GRIP1: variants seen among roughly 807,000 people sequenced by gnomAD.
The protein encoded by GRIP1 is glutamate receptor-interacting protein 1.
A neutral mutation model predicts 129.9 loss-of-function variants in GRIP1; 45 were observed. The ratio of observed to expected loss-of-function variants is 0.35; its 90% CI spans 0.27 to 0.44. The LOEUF (loss-of-function observed/expected upper bound fraction) is 0.44, where lower values mean the gene tolerates loss of function less well. Ranked by LOEUF, GRIP1 falls within the 20% of genes least tolerant of loss-of-function variation. The pLI, the probability that GRIP1 is intolerant of heterozygous loss-of-function variation, is 1.00. For missense variants in GRIP1, 1,196 were observed against 1,396.8 expected, an observed-to-expected ratio of 0.86 and a Z score of 2.29; for synonymous variants, 530 against 520.8, an observed-to-expected ratio of 1.02 and a Z score of -0.24.
chr12:66,817,633 G>A (rs1167473886), intron 1 of GRIP1, among the ~76,000 whole-genome samples: 3 of 151,906 alleles, frequency 2.0e-5, no homozygotes, highest in African/African-American at 4.8e-5. Flanking sequence ...GGCTGGTCTC[G>A]AACTCCTGAC....
chr12:66,667,816 A>C (rs2033878220), intron 1 of GRIP1, among the ~76,000 whole-genome samples: 1 of 152,172 alleles, frequency 6.6e-6, no homozygotes, highest in Non-Finnish European at 1.5e-5. Flanking sequence ...TAACTTTCTC[A>C]GCTGTTCCAT....
chr12:66,829,134 C>T (rs1483800595), intron 1 of GRIP1, among the ~76,000 whole-genome samples: 1 of 152,092 alleles, frequency 6.6e-6, no homozygotes, highest in Non-Finnish European at 1.5e-5. Context: ...CTTACATGAT[C>T]TTGAGAAAAG....
chr12:66,431,422 T>G (rs2058144563), intron 14 of GRIP1, among the ~76,000 whole-genome samples: 1 of 152,208 alleles, frequency 6.6e-6, no homozygotes, highest in Non-Finnish European at 1.5e-5. Context: ...TGAATTGCAG[T>G]ACCGTTCTTT....
At chr12:67,033,303 T>C (rs1165029755) in intron 1 of GRIP1, among the ~76,000 whole-genome samples, 3 of 129,902 alleles carry the variant, frequency 2.3e-5, no homozygotes, top group Non-Finnish European at 1.8e-5. Context: ...AAAGACAAAT[T>C]AAGAAATGGC....
At chr12:66,861,230 T>G (rs2040106708) in intron 1 of GRIP1, among the ~76,000 whole-genome samples, 1 of 152,138 alleles carries the variant, frequency 6.6e-6, no homozygotes, top group Non-Finnish European at 1.5e-5. Context: ...CAAAAAAGTG[T>G]CATACCCTAC....
intron 1 of GRIP1, among the ~76,000 whole-genome samples, chr12:66,979,360 CAAT>C (rs2042210642): frequency 6.8e-6 from 1 of 147,770 alleles, no homozygotes; most frequent in Non-Finnish European, 1.5e-5. Flanking sequence ...AAAAACAACT[CAAT>C]GAGTGAATGC....
chr12:66,463,816 C>T (rs12172787), intron 8 of GRIP1, among the ~76,000 whole-genome samples: 6,587 of 152,216 alleles, frequency 0.043, 359 homozygotes, highest in African/African-American at 0.12. Context: ...AAAGCTAGCG[C>T]AGTCGTCAGC....
At chr12:66,491,401 G>A (rs190687557) in intron 7 of GRIP1, among the ~76,000 whole-genome samples, 22 of 152,278 alleles carry the variant, frequency 1.4e-4, no homozygotes, top group Admixed American at 3.3e-4. Context: ...TTATAAGTGG[G>A]AACTGAATGA....
intron 1 of GRIP1, among the ~76,000 whole-genome samples, chr12:66,802,882 G>C (rs981093896): frequency 7.9e-5 from 12 of 152,124 alleles, no homozygotes; most frequent in African/African-American, 2.4e-4. Context: ...TTATTCATGT[G>C]CACACATTTA....
At chr12:66,942,869 G>T (rs1180918687) in intron 1 of GRIP1, among the ~76,000 whole-genome samples, 2 of 152,164 alleles carry the variant, frequency 1.3e-5, no homozygotes, top group African/African-American at 2.4e-5. Flanking sequence ...ACAGCAGAAA[G>T]CTTGCTACTT....
intron 1 of GRIP1, among the ~76,000 whole-genome samples, chr12:66,705,753 A>C (rs1038012380): frequency 4.6e-5 from 7 of 152,114 alleles, no homozygotes; most frequent in Admixed American, 2.6e-4. Context: ...ATAACACCAC[A>C]CATCTACAAT....
At chr12:66,835,155 T>TAAAC in intron 1 of GRIP1, among the ~76,000 whole-genome samples, 1 of 151,852 alleles carries the variant, frequency 6.6e-6, no homozygotes, top group African/African-American at 2.4e-5. Context: ...ACCAACCAAA[T>TAAAC]AAACAAACAA....
intron 1 of GRIP1, among the ~76,000 whole-genome samples, chr12:66,767,844 A>G (rs917702818): frequency 3.3e-5 from 5 of 152,226 alleles, no homozygotes; most frequent in Admixed American, 2.6e-4. Context: ...TTATAACAAG[A>G]TAATAGCCTC....
intron 1 of GRIP1, among the ~76,000 whole-genome samples, chr12:66,934,838 C>G (rs2041458608): frequency 1.3e-5 from 2 of 152,164 alleles, no homozygotes; most frequent in Admixed American, 1.3e-4. Context: ...GAACAAATAT[C>G]TGTTGTGAGA....
At chr12:66,924,080 G>A (rs549882730) in intron 1 of GRIP1, among the ~76,000 whole-genome samples, 4 of 152,024 alleles carry the variant, frequency 2.6e-5, no homozygotes, top group African/African-American at 4.8e-5. Context: ...CCTGGCAGCA[G>A]GTGATTCACC....
At chr12:66,847,077 G>C (rs563053078) in intron 1 of GRIP1, among the ~76,000 whole-genome samples, 1 of 152,062 alleles carries the variant, frequency 6.6e-6, no homozygotes, top group Non-Finnish European at 1.5e-5. Context: ...GCTCCATAAG[G>C]GGAAACCACT....
At chr12:66,736,334 C>T (rs1438763743) in intron 1 of GRIP1, among the ~76,000 whole-genome samples, 8 of 109,822 alleles carry the variant, frequency 7.3e-5, no homozygotes, top group African/African-American at 2.6e-4. Context: ...TGTGCACCAC[C>T]GTGCCTGGCT....
At chr12:66,550,749 T>TTCC (rs1278352325) in intron 2 of GRIP1, among the ~76,000 whole-genome samples, 2 of 152,182 alleles carry the variant, frequency 1.3e-5, no homozygotes, top group African/African-American at 4.8e-5. Context: ...CAGTCACGTA[T>TTCC]TCCTACACAA....
rs765893614 is a variant in GRIP1, at chr12:66,455,570, A to G, written c.1199-6T>C. ...GGATGAAGACACCAAAGCTGCTGCAAGAGAGTGAAGACGTTGCACAGAGCA... is the reference window on the plus strand; with the variant it reads ...GGATGAAGACACCAAAGCTGCTGCAGGAGAGTGAAGACGTTGCACAGAGCA... On this transcript the variant is annotated splice_polypyrimidine_tract_variant and splice_region_variant and intron_variant, in intron 10 of 24. Transcript: ENST00000359742. 1 of 1,613,654 alleles carries G rather than the reference A, an allele frequency of 6.2e-7. No individual in the cohort carries two copies. The highest frequency in any genetic ancestry group is 8.5e-7 in the Non-Finnish European group (1 of 1,179,790).
Sources: allele counts gnomAD v4.1 joint callset (sites outside exome capture counted in the v4.1 genomes callset), GRCh38; gene constraint gnomAD v4.1.1; transcripts MANE v1.5; gene names NCBI Gene and HGNC (gene_info 2026-07-23, HGNC 2026-07-21).